The following SORBS2 variants were observed in gnomAD, a reference collection of about 807,000 sequenced individuals.
SORBS2 encodes sorbin and SH3 domain containing 2, also known as sorbin and SH3 domain-containing protein 2.
Under a neutral mutation model 97.7 loss-of-function variants are expected in SORBS2, and 46 were observed. The observed-to-expected ratio is 0.47, with a 90% CI of 0.37 to 0.60. SORBS2 has a LOEUF of 0.60. SORBS2 is among the 20% of genes least tolerant of loss of function. SORBS2 has a pLI of 0.00. For synonymous variants in SORBS2, 476 were observed against 473.4 expected (o/e 1.01, Z -0.07); for missense variants, 1,316 against 1,282.3 (o/e 1.03, Z -0.40).
chr4:185,882,568 T>C (rs2099237407), intron 1 of SORBS2, among the ~76,000 whole-genome samples: 1 of 152,178 alleles, frequency 6.6e-6, no homozygotes, highest in African/African-American at 2.4e-5. Flanking sequence ...AGCATTCTTT[T>C]TGTAAATATC....
chr4:185,767,059 A>G (rs1417246663), intron 2 of SORBS2, among the ~76,000 whole-genome samples: 2 of 152,068 alleles, frequency 1.3e-5, no homozygotes, highest in Admixed American at 6.5e-5. Flanking sequence ...CATTTGGCTC[A>G]TTATACTATT....
chr4:185,793,344 C>T (rs1248950279), intron 1 of SORBS2, among the ~76,000 whole-genome samples: 1 of 152,210 alleles, frequency 6.6e-6, no homozygotes, highest in Non-Finnish European at 1.5e-5. Context: ...TGAGCTCCCA[C>T]ATTCTATCCT....
chr4:185,848,637 T>C (rs2099215992), intron 1 of SORBS2, among the ~76,000 whole-genome samples: 1 of 39,286 alleles, frequency 2.5e-5, no homozygotes, highest in African/African-American at 6.2e-5. Context: ...TTTTTTTTTT[T>C]TTTTTTTTTT....
At chr4:185,890,659 G>C (rs1176582224) in intron 1 of SORBS2, among the ~76,000 whole-genome samples, 1 of 152,158 alleles carries the variant, frequency 6.6e-6, no homozygotes, top group East Asian at 1.9e-4. Context: ...ATGCTTTCTG[G>C]TGCCCTGCTC....
At chr4:185,596,412 A>G (rs2153369474) in intron 12 of SORBS2, among the ~76,000 whole-genome samples, 1 of 152,226 alleles carries the variant, frequency 6.6e-6, no homozygotes, top group East Asian at 1.9e-4. Context: ...ATTTAACTGA[A>G]CTGTCCCATT....
chr4:185,656,514 C>G, intron 1 of SORBS2: 1 of 710,208 alleles, frequency 1.4e-6, no homozygotes. Context: ...CCCAGGTCTG[C>G]ATTCCAGGGG....
At chr4:185,864,174 T>C (rs777166452) in intron 1 of SORBS2, among the ~76,000 whole-genome samples, 1 of 152,198 alleles carries the variant, frequency 6.6e-6, no homozygotes, top group Non-Finnish European at 1.5e-5. Context: ...TTGTTCTCAT[T>C]ATACTATAAA....
At chr4:185,902,869 G>A (rs577077069) in intron 1 of SORBS2, among the ~76,000 whole-genome samples, 5 of 152,236 alleles carry the variant, frequency 3.3e-5, no homozygotes, top group East Asian at 3.9e-4. Flanking sequence ...ATTCCCAACC[G>A]TGATGTTAAT....
chr4:185,595,487 T>C (rs2096063350), intron 12 of SORBS2, among the ~76,000 whole-genome samples: 1 of 152,204 alleles, frequency 6.6e-6, no homozygotes, highest in Admixed American at 6.5e-5. Context: ...ATGGTAATTG[T>C]AAGTCATTGA....
chr4:185,641,335 A>G (rs1323402873), intron 4 of SORBS2, among the ~76,000 whole-genome samples: 1 of 152,182 alleles, frequency 6.6e-6, no homozygotes, highest in African/African-American at 2.4e-5. Flanking sequence ...ATAACTTTGG[A>G]ATGCAATGAA....
chr4:185,874,868 T>C (rs1356503745), intron 1 of SORBS2, among the ~76,000 whole-genome samples: 1 of 151,570 alleles, frequency 6.6e-6, no homozygotes, highest in Non-Finnish European at 1.5e-5. Flanking sequence ...ATTTTTTTTT[T>C]TTTTGCATGC....
At chr4:185,925,510 C>G (rs1216791202) in intron 1 of SORBS2, among the ~76,000 whole-genome samples, 1 of 152,082 alleles carries the variant, frequency 6.6e-6, no homozygotes, top group Non-Finnish European at 1.5e-5. Context: ...ACCATTATAA[C>G]TTTTGCTTGC....
intron 1 of SORBS2, among the ~76,000 whole-genome samples, chr4:185,907,345 A>C (rs2099251577): frequency 6.6e-6 from 1 of 152,226 alleles, no homozygotes; most frequent in Non-Finnish European, 1.5e-5. Flanking sequence ...TTATAGTAAG[A>C]AACTCGTTTA....
intron 12 of SORBS2, among the ~76,000 whole-genome samples, chr4:185,601,461 C>T (rs1408427221): frequency 6.6e-6 from 1 of 152,172 alleles, no homozygotes; most frequent in Non-Finnish European, 1.5e-5. Context: ...CCACCTGGGA[C>T]CCATAGCGGA....
At chr4:185,650,640 G>C (rs951308317) in intron 2 of SORBS2, among the ~76,000 whole-genome samples, 1 of 152,146 alleles carries the variant, frequency 6.6e-6, no homozygotes, top group East Asian at 1.9e-4. Flanking sequence ...ATTTGTACCC[G>C]TTCGCTTCTC....
intron 1 of SORBS2, among the ~76,000 whole-genome samples, chr4:185,803,103 C>A (rs1455888003): frequency 6.6e-6 from 1 of 152,178 alleles, no homozygotes; most frequent in African/African-American, 2.4e-5. Flanking sequence ...TGGGTCCTAT[C>A]CTTACGCTCC....
At chr4:185,809,446 C>A (rs555486885) in intron 1 of SORBS2, among the ~76,000 whole-genome samples, 11 of 74,820 alleles carry the variant, frequency 1.5e-4, no homozygotes, top group African/African-American at 7.1e-4. Context: ...TCAGGGGGCA[C>A]TGCATTTGCA....
At chr4:185,664,323 C>T (rs972837716) in intron 4 of SORBS2, among the ~76,000 whole-genome samples, 21 of 152,150 alleles carry the variant, frequency 1.4e-4, no homozygotes, top group Non-Finnish European at 2.9e-4. Context: ...ATTTCCCTTA[C>T]AAGTAGCTCT....
intron 1 of SORBS2, among the ~76,000 whole-genome samples, chr4:185,926,289 T>G (rs753437807): frequency 1.3e-5 from 2 of 152,182 alleles, no homozygotes; most frequent in Non-Finnish European, 2.9e-5. Context: ...GAAGGCATGG[T>G]CTCTCGAACT....
Sources: allele counts gnomAD v4.1 joint callset (sites outside exome capture counted in the v4.1 genomes callset), GRCh38; gene constraint gnomAD v4.1.1; transcripts MANE v1.5; gene names NCBI Gene and HGNC (gene_info 2026-07-23, HGNC 2026-07-21).